Variants in DPYSL5 observed in about 807,000 individuals in gnomAD.
DPYSL5 encodes dihydropyrimidinase like 5.
DPYSL5 carries 9 observed loss-of-function variants against 58.4 expected under a neutral mutation model. That is an observed-to-expected ratio of 0.15 (90% CI 0.09 to 0.27). DPYSL5 has a LOEUF of 0.27. DPYSL5 is among the 10% of genes least tolerant of loss of function. DPYSL5 has a pLI of 1.00. For missense variants in DPYSL5, 499 were observed against 770.6 expected, an observed-to-expected ratio of 0.65 and a Z score of 4.17; for synonymous variants, 293 against 301.9, an observed-to-expected ratio of 0.97 and a Z score of 0.31.
At chr2:26,852,425 A>C (rs1665777102) in intron 1 of DPYSL5, among the ~76,000 whole-genome samples, 1 of 152,218 alleles carries the variant, frequency 6.6e-6, no homozygotes, top group African/African-American at 2.4e-5. Context: ...GTGGGCACAA[A>C]TTATACACTT....
chr2:26,872,694 A>AG (rs1474846803), intron 1 of DPYSL5, among the ~76,000 whole-genome samples: 1 of 152,194 alleles, frequency 6.6e-6, no homozygotes, highest in Non-Finnish European at 1.5e-5. Context: ...TCAAAAAAAA[A>AG]AAAATTAATA....
chr2:26,896,433 C>T (rs887604140), intron 1 of DPYSL5, among the ~76,000 whole-genome samples: 1 of 152,168 alleles, frequency 6.6e-6, no homozygotes, highest in Non-Finnish European at 1.5e-5. Flanking sequence ...TATAGTAGTT[C>T]TATTTTTAAG....
chr2:26,929,138 T>A (rs1181547148), intron 5 of DPYSL5, among the ~76,000 whole-genome samples: 1 of 152,138 alleles, frequency 6.6e-6, no homozygotes, highest in Non-Finnish European at 1.5e-5. Flanking sequence ...TGAAGCCTAT[T>A]GTGAACTGCA....
In DPYSL5 at chr2:26,869,929, T is replaced by G. The variant is rs1024249730; in HGVS notation, c.-5+21675T>G. On this transcript the variant is annotated intron_variant, in intron 1 of 12. Coordinates refer to ENST00000288699, the MANE Select transcript of DPYSL5 (RefSeq NM_020134.4). ...GGGAGGCTGAGGTAGGAGAATTGCT[T>G]GAACCTGGGAGGCGGAGGTTGCAGT... is the stretch of plus-strand genomic sequence containing the variant. Among the ~76,000 whole-genome samples, 133 of 152,172 alleles carry G rather than the reference T, an allele frequency of 8.7e-4. 2 individuals are homozygous for G. Among genetic ancestry groups the G allele is most frequent in the Non-Finnish European group, 1.9e-4 (13 of 68,038 alleles).
intron 1 of DPYSL5, among the ~76,000 whole-genome samples, chr2:26,874,030 T>A (rs1334114059): frequency 6.6e-6 from 1 of 152,236 alleles, no homozygotes; most frequent in Non-Finnish European, 1.5e-5. Context: ...GCATTTTTTT[T>A]ATGTGCTTAT....
At chr2:26,938,753 A>C (rs896027797) in intron 8 of DPYSL5, 3 of 152,170 alleles carry the variant, frequency 2.0e-5, no homozygotes, top group Non-Finnish European at 4.4e-5. Context: ...ACAGGCACTC[A>C]CAAGGCTCTG....
intron 6 of DPYSL5, among the ~76,000 whole-genome samples, chr2:26,932,933 T>G (rs905324416): frequency 6.6e-6 from 1 of 151,724 alleles, no homozygotes; most frequent in African/African-American, 2.4e-5. Context: ...GGAAAAAGAG[T>G]TCCCCCCTTT....
Position 26,940,112 on chromosome 2 carries a change from G to A in DPYSL5, c.1029G>A (p.Lys343=), listed in dbSNP as rs1665277978. The change falls in exon 9 of 13, where the codon AAG becomes AAA. Residue 343 remains lysine, a synonymous_variant. Coordinates refer to ENST00000288699, the MANE Select transcript of DPYSL5 (RefSeq NM_020134.4). ...QKAMGKEDFT[K]IPHGVSGVQD... is the part of the protein sequence containing the mutation. ...CTATGGGCAAGGAAGACTTCACCAAGATCCCACATGGAGTGAGTGGCGTGC... is the reference window on the plus strand; with the variant it reads ...CTATGGGCAAGGAAGACTTCACCAAAATCCCACATGGAGTGAGTGGCGTGC... 1 of 1,614,216 alleles carries A rather than the reference G, an allele frequency of 6.2e-7. No individual in the cohort carries two copies. Among genetic ancestry groups the A allele is most frequent in the Non-Finnish European group, 8.5e-7 (1 of 1,180,046 alleles).
At chr2:26,907,753 G>A (rs2148144583) in intron 2 of DPYSL5, among the ~76,000 whole-genome samples, 1 of 152,334 alleles carries the variant, frequency 6.6e-6, no homozygotes, top group South Asian at 2.1e-4. Context: ...GCTCCAGGAT[G>A]TCACTTTCTT....
chr2:26,949,956 C>G lies in DPYSL5; in HGVS notation c.*2961C>G, dbSNP rs1473303625. ...TACTGTTGTTCTTGCCTTAGCTGCT[C>G]TCTAGGTTTGTGGGGTTAAGTTGCC... On this transcript the variant is annotated 3_prime_UTR_variant, in exon 13 of 13. Coordinates refer to ENST00000288699, the MANE Select transcript of DPYSL5 (RefSeq NM_020134.4). 1 of 152,718 alleles carries G rather than the reference C, an allele frequency of 6.5e-6. No homozygotes were observed. The highest frequency in any genetic ancestry group is 1.5e-5 in the Non-Finnish European group (1 of 68,464). The allele number at this position is 152,718 out of a possible 1,614,324, so 9.5% of individuals were successfully genotyped here. A position where few individuals can be genotyped will look rare whatever the true frequency, so the allele number is the denominator to read the frequency against.
At position 26,942,070 on chromosome 2, in the gene DPYSL5, G is replaced by A. The variant is rs1208012321; in HGVS notation, c.1210G>A (p.Val404Met). 1.9e-6 allele frequency: 3 copies of A among 1,614,236 alleles called. No individual in the cohort carries two copies. The highest frequency in any genetic ancestry group is 3.3e-5 in the Admixed American group (2 of 60,038). The change falls in exon 10 of 13, where the codon GTG becomes ATG. Residue 404 changes from valine (V) to methionine (M), a missense_variant. This residue lies in a region of DPYSL5 where 404 missense variants were observed against 647.6 expected (regional missense o/e 0.62). Transcript: ENST00000288699. This position sits in a 1 kb window ranked among gnomAD's most constrained non-coding sequence, Gnocchi z 5.9. ...TCCCGGAGCCGATGCTGATGTGGTG[G>A]TGTGGGACCCAGAAGCCACAAAGTA... ...IIPGADADVV[V>M]WDPEATKTIS...
rs958777851 is a variant in DPYSL5, at chr2:26,869,884, G to A, written c.-5+21630G>A. On this transcript the variant is annotated intron_variant, in intron 1 of 12. Coordinates refer to ENST00000288699, the MANE Select transcript of DPYSL5 (RefSeq NM_020134.4). ...AAATCAGCCGGGCGTGGTCACAGGC[G>A]CCTGTAGTCCCAGCTACTTGGGAGG... is the stretch of plus-strand genomic sequence containing the variant. Among the ~76,000 whole-genome samples, 5 of 152,218 alleles carry A rather than the reference G, an allele frequency of 3.3e-5. 1 individual carries two copies. The South Asian group carries it at 8.3e-4, about 25-fold the overall frequency.
At chr2:26,907,100 T>TTTAA (rs138437580) in intron 2 of DPYSL5, among the ~76,000 whole-genome samples, 4 of 149,816 alleles carry the variant, frequency 2.7e-5, no homozygotes, top group Non-Finnish European at 4.4e-5. Context: ...ACATTTACAT[T>TTTAA]TTTATTTATT....
At chr2:26,861,630 T>C (rs931010405) in intron 1 of DPYSL5, among the ~76,000 whole-genome samples, 2 of 152,228 alleles carry the variant, frequency 1.3e-5, no homozygotes, top group Admixed American at 1.3e-4. Flanking sequence ...CTCTGGATGC[T>C]CCTATAGAAT....
intron 1 of DPYSL5, among the ~76,000 whole-genome samples, chr2:26,864,794 GA>G: frequency 6.6e-6 from 1 of 152,188 alleles, no homozygotes; most frequent in Non-Finnish European, 1.5e-5. Context: ...CAGCAGGGGA[GA>G]GGGGGACAGA....
chr2:26,947,108 G>C lies in DPYSL5; in HGVS notation c.*113G>C. The stretch of plus-strand genomic sequence containing the variant: ...GGCTGGGTGGCACACCACCCGAGGG[G>C]GGCCCCGGGACCCACGGAGCCCTCC... On this transcript the variant is annotated 3_prime_UTR_variant, in exon 13 of 13. Coordinates refer to ENST00000288699, the MANE Select transcript of DPYSL5 (RefSeq NM_020134.4). The surrounding 1 kb of genome is among the most constrained non-coding windows in gnomAD (Gnocchi z 4.2). The C allele has an allele frequency of 1.1e-6, 1 of 887,572 alleles. No homozygotes were observed. The highest frequency in any genetic ancestry group is 1.8e-6 in the Non-Finnish European group (1 of 566,896). 55.0% of individuals were successfully genotyped at this position (887,572 alleles called of 1,614,324 possible). A position where few individuals can be genotyped will look rare whatever the true frequency, so the allele number is the denominator to read the frequency against.
chr2:26,932,177 A>AAGAAAGAAAGAAAGAC (rs1558351501), intron 6 of DPYSL5, among the ~76,000 whole-genome samples: 30 of 78,598 alleles, frequency 3.8e-4, no homozygotes, highest in Admixed American at 8.5e-4. Flanking sequence ...GAAAGAAAGA[A>AAGAAAGAAAGAAAGAC]AGAAAGAAAG....
At chr2:26,913,407 C>T (rs1664488881) in intron 2 of DPYSL5, among the ~76,000 whole-genome samples, 1 of 152,204 alleles carries the variant, frequency 6.6e-6, no homozygotes, top group Non-Finnish European at 1.5e-5. Context: ...ATAAGGTCCT[C>T]AAGATTCATT....
chr2:26,863,608 G>T (rs1481525484), intron 1 of DPYSL5, among the ~76,000 whole-genome samples: 2 of 152,124 alleles, frequency 1.3e-5, no homozygotes, highest in African/African-American at 2.4e-5. Context: ...CAATGCAATG[G>T]TTTCTAGTGT....
Sources: allele counts gnomAD v4.1 joint callset (sites outside exome capture counted in the v4.1 genomes callset), GRCh38; gene constraint gnomAD v4.1.1; regional missense constraint gnomAD v4.1.1; non-coding constraint Gnocchi (gnomAD v3.1); transcripts MANE v1.5; gene names NCBI Gene and HGNC (gene_info 2026-07-23, HGNC 2026-07-21).